The following ACOX3 variants were observed in gnomAD, a reference collection of about 807,000 sequenced individuals.
ACOX3 encodes acyl-CoA oxidase 3, pristanoyl, also known as peroxisomal acyl-coenzyme A oxidase 3.
ACOX3 carries 73 observed loss-of-function variants against 81.5 expected under a neutral mutation model. The ratio of observed to expected loss-of-function variants is 0.90; its 90% confidence interval spans 0.74 to 1.09. The LOEUF is 1.09. Among genes scored for constraint, ACOX3 ranks in the 50% least tolerant of loss-of-function variants. The probability of loss-of-function intolerance (pLI) is 0.00; values close to 1 mark genes in which losing one functional copy is unlikely to be tolerated. For synonymous variants in ACOX3, 387 were observed against 375.1 expected (o/e 1.03, Z -0.37); for missense variants, 947 against 928.0 (o/e 1.02, Z -0.27).
rs1049475315 is a variant in ACOX3, at chr4:8,374,752, G to A, written c.1828+226C>T. 6 of 452,224 alleles carry A rather than the reference G, an allele frequency of 1.3e-5. No homozygotes were observed. In the South Asian group the frequency reaches 2.2e-4, roughly 16 times the overall value. 28.0% of individuals were successfully genotyped at this position (452,224 alleles called of 1,614,324 possible). ...GCCTTCTGGAAGTGTTCTCTGAACC[G>A]AACCCCAAGTGAAAGAAAAATTGGG... is the stretch of plus-strand genomic sequence containing the variant. On this transcript the variant is annotated intron_variant, in intron 15 of 17. Transcript: ENST00000356406.
At chr4:8,358,073 C>G in the ACOX3 span, 1 of 152,210 alleles carries the variant, frequency 6.6e-6, no homozygotes, top group Non-Finnish European at 1.5e-5. Context: ...AATAAGATAC[C>G]CAATTCAACG....
chr4:8,430,977 C>G lies in ACOX3; in HGVS notation c.-15+9671G>C, dbSNP rs1723919865. ...GAAGGCAGGCTAAAGGGGAAGAGCT[C>G]AGGGCATCTGGTGGCCAGTACAGGT... On this transcript the variant is annotated intron_variant, in intron 1 of 17. Transcript: ENST00000356406. This position sits in a 1 kb window ranked among gnomAD's most constrained non-coding sequence, Gnocchi z 5.2. Among the ~76,000 whole-genome samples the G allele has an allele frequency of 6.6e-6, 1 of 152,126 alleles. No homozygotes were observed. Among genetic ancestry groups the G allele is most frequent in the South Asian group, 2.1e-4 (1 of 4,822 alleles).
chr4:8,410,188 C>T (rs776997465), intron 6 of ACOX3, 24 bp downstream of exon 6: 1 of 1,607,516 alleles, frequency 6.2e-7, no homozygotes. Flanking sequence ...ACTGCCCCCA[C>T]TGAGGGCCAC....
rs1229021118 is a variant in ACOX3 at position 8,394,472 on chromosome 4, GA to G, written c.1179+147del. ...CCCGTTCAATCGCGGCAGAGGCCAA[GA>G]GCTCCGAGTGGGTGGGAACAACTGG... is the stretch of plus-strand genomic sequence containing the variant. On this transcript the variant is annotated intron_variant, in intron 10 of 17. Coordinates refer to ENST00000356406, the MANE Select transcript of ACOX3 (RefSeq NM_003501.3). This position sits in a 1 kb window ranked among gnomAD's most constrained non-coding sequence, Gnocchi z 5.9. 1.6e-6 allele frequency: 2 copies of G among 1,289,972 alleles called. No homozygotes were observed. The highest frequency in any genetic ancestry group is 2.1e-6 in the Non-Finnish European group (2 of 967,678). The allele number at this position is 1,289,972 out of a possible 1,614,324, so 79.9% of individuals were successfully genotyped here. A position where few individuals can be genotyped will look rare whatever the true frequency, so the allele number is the denominator to read the frequency against.
In ACOX3 at chr4:8,414,965, G is replaced by T. The variant is rs1055439461; in HGVS notation, c.379-37C>A. ...ACATCGTCCTATCAACAGGGGGCAGGTAAGAAGAGTACTGCTCTTCCGGAA... is the reference window on the plus strand; with the variant it reads ...ACATCGTCCTATCAACAGGGGGCAGTTAAGAAGAGTACTGCTCTTCCGGAA... On this transcript the variant is annotated intron_variant, in intron 3 of 17. Transcript: ENST00000356406. This position sits in a 1 kb window ranked among gnomAD's most constrained non-coding sequence, Gnocchi z 6.1. The T allele has an allele frequency of 6.3e-7, 1 of 1,581,024 alleles. No homozygotes were observed. The highest frequency in any genetic ancestry group is 2.2e-5 in the East Asian group (1 of 44,686).
At chr4:8,360,898 G>C in the ACOX3 span, among the ~76,000 whole-genome samples, 16 of 152,254 alleles carry the variant, frequency 1.1e-4, no homozygotes, top group Admixed American at 3.9e-4. Flanking sequence ...CTTCTGCCTG[G>C]TGTGTCCTAG....
chr4:8,362,366 T>A (rs972759717), downstream of ACOX3, among the ~76,000 whole-genome samples: 1 of 152,272 alleles, frequency 6.6e-6, no homozygotes, highest in Non-Finnish European at 1.5e-5. Context: ...TTGAGCTATG[T>A]ACAGCTTTTA....
At chr4:8,429,239 T>G (rs910269667) in intron 1 of ACOX3, among the ~76,000 whole-genome samples, 1 of 152,230 alleles carries the variant, frequency 6.6e-6, no homozygotes, top group Non-Finnish European at 1.5e-5. Flanking sequence ...AAGAGTGCAT[T>G]TATTTAGCCA....
rs960216546 is a variant in ACOX3, at chr4:8,396,916, G to T, written c.1056+21C>A. The T allele has an allele frequency of 3.1e-6, 5 of 1,603,154 alleles. No individual in the cohort carries two copies. The African/African-American group carries it at 6.7e-5, about 22-fold the overall frequency. ...CATATAAAATAGAGAGACAGTGAAA[G>T]GATGCTTGAAAACCTCATACCTGCA... On this transcript the variant is annotated intron_variant, in intron 9 of 17. Coordinates refer to ENST00000356406, the MANE Select transcript of ACOX3 (RefSeq NM_003501.3).
chr4:8,403,151 C>T (rs1244552764), intron 7 of ACOX3, among the ~76,000 whole-genome samples: 1 of 152,230 alleles, frequency 6.6e-6, no homozygotes, highest in Non-Finnish European at 1.5e-5. Context: ...GATTTGTAGG[C>T]AGTCATCCCA....
Position 8,366,923 on chromosome 4 carries a change from T to C in ACOX3, c.*38A>G. On this transcript the variant is annotated 3_prime_UTR_variant, in exon 18 of 18. Transcript: ENST00000356406. ...GAGGTCCACGTCTGATTAGTTCCCT[T>C]CGTTTCATTAGACTTGGCTGAATGT... 1 of 1,610,470 alleles carries C rather than the reference T, an allele frequency of 6.2e-7. No homozygotes were observed. The highest frequency in any genetic ancestry group is 8.5e-7 in the Non-Finnish European group (1 of 1,177,560).
At chr4:8,403,696 T>C (rs1306900602) in intron 7 of ACOX3, among the ~76,000 whole-genome samples, 1 of 152,252 alleles carries the variant, frequency 6.6e-6, no homozygotes. Context: ...TAATCATTAA[T>C]GGTTTGATCT....
rs1723187948 is a variant in ACOX3 at position 8,423,723 on chromosome 4, C to T, written c.-14-7188G>A. On this transcript the variant is annotated intron_variant, in intron 1 of 17. Coordinates refer to ENST00000356406, the MANE Select transcript of ACOX3 (RefSeq NM_003501.3). The surrounding 1 kb of genome is among the most constrained non-coding windows in gnomAD (Gnocchi z 4.2). Reference sequence around the variant, plus strand: ...AAGCAGAGTGGTTTACAGTCCTGGACCTTAAGGATGCCTTTTACTGCATCC... The same window carrying T: ...AAGCAGAGTGGTTTACAGTCCTGGATCTTAAGGATGCCTTTTACTGCATCC... Among the ~76,000 whole-genome samples the T allele has an allele frequency of 1.3e-5, 2 of 152,168 alleles. No homozygotes were observed. The highest frequency in any genetic ancestry group is 4.1e-4 in the South Asian group (2 of 4,830).
At chr4:8,387,009 G>A (rs1231356973) in intron 13 of ACOX3, among the ~76,000 whole-genome samples, 1 of 152,176 alleles carries the variant, frequency 6.6e-6, no homozygotes, top group Admixed American at 6.5e-5. Flanking sequence ...AGGATCCAGG[G>A]GCCTCCCAGA....
chr4:8,433,889 G>A (rs1168606228), intron 1 of ACOX3, among the ~76,000 whole-genome samples: 7 of 152,206 alleles, frequency 4.6e-5, no homozygotes, highest in Non-Finnish European at 1.0e-4. Context: ...CTGGGGACAT[G>A]TAGTAAGGAA....
rs766983874 is a variant in ACOX3 at position 8,366,960 on chromosome 4, A to T, written c.*1T>A. ...ACTTGGCTGAATGTGTGCCAGTCCC[A>T]CTAGAGCTTCGATTTCAGACTTCCT... is the stretch of plus-strand genomic sequence containing the variant. On this transcript the variant is annotated 3_prime_UTR_variant, in exon 18 of 18. Transcript: ENST00000356406. 1 of 1,613,788 alleles carries T rather than the reference A, an allele frequency of 6.2e-7. No individual in the cohort carries two copies. Among genetic ancestry groups the T allele is most frequent in the Admixed American group, 1.7e-5 (1 of 60,022 alleles).
At position 8,376,764 on chromosome 4, in the gene ACOX3, C is replaced by T. The variant is rs141483293; in HGVS notation, c.1654-1612G>A. 3.0e-3 allele frequency among the ~76,000 whole-genome samples: 450 copies of T among 152,238 alleles called. 3 individuals carry two copies. The highest frequency in any genetic ancestry group is 0.013 in the South Asian group (63 of 4,810). On this transcript the variant is annotated intron_variant, in intron 14 of 17. Transcript: ENST00000356406. ...TCCTGCCCTCTTCTGATCTCACATG[C>T]GCTATAGCTCTGGGCCTTGGTTTTG...
At chr4:8,433,525 T>C (rs976811104) in intron 1 of ACOX3, among the ~76,000 whole-genome samples, 5 of 152,250 alleles carry the variant, frequency 3.3e-5, no homozygotes, top group African/African-American at 9.6e-5. Flanking sequence ...TAATTTGTTA[T>C]GGAAGCCCTG....
At chr4:8,375,533 T>C (rs996147948) in intron 14 of ACOX3, among the ~76,000 whole-genome samples, 2 of 152,180 alleles carry the variant, frequency 1.3e-5, no homozygotes, top group African/African-American at 4.8e-5. Flanking sequence ...AGGACCTGGC[T>C]TCTTCCACAC....
Sources: allele counts gnomAD v4.1 joint callset (sites outside exome capture counted in the v4.1 genomes callset), GRCh38; gene constraint gnomAD v4.1.1; non-coding constraint Gnocchi (gnomAD v3.1); transcripts MANE v1.5; gene names NCBI Gene and HGNC (gene_info 2026-07-23, HGNC 2026-07-21).